HERC2: variants seen among roughly 807,000 people sequenced by gnomAD.
HERC2 encodes E3 ubiquitin-protein ligase HERC2.
In HERC2, 102 loss-of-function variants were observed where a neutral mutation model predicts 537.7. That is an observed-to-expected ratio of 0.19 (90% CI 0.16 to 0.22). The LOEUF (loss-of-function observed/expected upper bound fraction) is 0.22, where lower values mean the gene tolerates loss of function less well. Among genes scored for constraint, HERC2 ranks in the 10% least tolerant of loss-of-function variants. HERC2 has a pLI of 1.00. For synonymous variants in HERC2, 2,224 were observed against 2,466.2 expected, an observed-to-expected ratio of 0.90 and a Z score of 2.91; for missense variants, 4,236 against 6,198.2, an observed-to-expected ratio of 0.68 and a Z score of 10.63.
At chr15:28,273,513 C>A (rs2075794878) in intron 7 of HERC2, among the ~76,000 whole-genome samples, 1 of 152,162 alleles carries the variant, frequency 6.6e-6, no homozygotes, top group African/African-American at 2.4e-5. Context: ...CCTAAGACTG[C>A]AGAGAAAGGA....
intron 4 of HERC2, among the ~76,000 whole-genome samples, chr15:28,288,608 G>A (rs1385344005): frequency 6.6e-6 from 1 of 151,034 alleles, no homozygotes; most frequent in Non-Finnish European, 1.5e-5. Context: ...ACTTAAGGGT[G>A]GCTGAGGCAC....
intron 52 of HERC2, among the ~76,000 whole-genome samples, chr15:28,196,008 A>C (rs528081351): frequency 1.3e-5 from 2 of 152,220 alleles, no homozygotes; most frequent in Admixed American, 1.3e-4. Context: ...AGTTATTCTA[A>C]TTCTTCCCCG....
At chr15:28,184,688 C>T (rs1347108682) in intron 56 of HERC2, among the ~76,000 whole-genome samples, 6 of 151,510 alleles carry the variant, frequency 4.0e-5, no homozygotes, top group African/African-American at 1.2e-4. Context: ...GGTGAAAGCC[C>T]GTCTCTACTA....
At chr15:28,201,600 T>C (rs754656900) in intron 47 of HERC2, 46 bp from the exon 48 acceptor site, 5 of 1,162,410 alleles carry the variant, frequency 4.3e-6, no homozygotes, top group Admixed American at 1.7e-5. Flanking sequence ...GAGAACATGA[T>C]AAACCTACTC....
chr15:28,146,483 A>C, intron 70 of HERC2, 139 bp from the exon 71 acceptor site: 1 of 646,924 alleles, frequency 1.5e-6, no homozygotes. Flanking sequence ...CAAGCATCTC[A>C]GACTGACCAC....
chr15:28,232,207 G>T (rs75501824), intron 30 of HERC2, among the ~76,000 whole-genome samples: 10,588 of 152,260 alleles, frequency 0.07, 896 homozygotes, highest in East Asian at 0.42. Flanking sequence ...ATCAATACTG[G>T]TCAATAAGCA....
At chr15:28,296,523 T>C (rs1038211400) in intron 3 of HERC2, among the ~76,000 whole-genome samples, 5 of 152,006 alleles carry the variant, frequency 3.3e-5, no homozygotes, top group African/African-American at 1.2e-4. Flanking sequence ...GAATAAAACA[T>C]ATACTTTGGA....
rs779911686 is a variant in HERC2, at chr15:28,144,278, G to A, written c.11141-43C>T. ...AAACATCCCCGGGTTTCACAAGCTA[G>A]GTACCACCCCATAAGAAGCCGCCAA... On this transcript the variant is annotated intron_variant, in intron 72 of 92. Transcript: ENST00000261609. The A allele has an allele frequency of 1.9e-6, 3 of 1,598,888 alleles. No homozygotes were observed. In the African/African-American group the frequency reaches 4.0e-5, roughly 21 times the overall value.
intron 86 of HERC2, 91 bp from the exon 87 acceptor site, chr15:28,117,245 G>A (rs1036889359): frequency 6.9e-5 from 89 of 1,296,928 alleles, no homozygotes; most frequent in Non-Finnish European, 8.8e-5. Flanking sequence ...TGCACGAGGA[G>A]GAGGCACCGT....
chr15:28,115,829 T>C (rs1233967808), intron 88 of HERC2, among the ~76,000 whole-genome samples: 8 of 152,242 alleles, frequency 5.3e-5, no homozygotes, highest in African/African-American at 1.7e-4. Flanking sequence ...GAGCTGGAAC[T>C]TCCCCACGGG....
chr15:28,288,723 C>T (rs2141112506), intron 4 of HERC2, among the ~76,000 whole-genome samples: 1 of 151,604 alleles, frequency 6.6e-6, no homozygotes, highest in African/African-American at 2.4e-5. Context: ...TGGTGCCTGC[C>T]TGTAATCCCA....
intron 2 of HERC2, among the ~76,000 whole-genome samples, chr15:28,299,925 C>T (rs185187094): frequency 0.019 from 2,910 of 151,722 alleles, 91 homozygotes; most frequent in African/African-American, 0.066. Flanking sequence ...TGGTGGCGGG[C>T]GCCTGTAATC....
chr15:28,256,293 C>T lies in HERC2; in HGVS notation c.2542G>A (p.Val848Ile). The change falls in exon 18 of 93, where the codon GTT becomes ATT. Residue 848 changes from valine to isoleucine, a missense_variant. Coordinates refer to ENST00000261609, the MANE Select transcript of HERC2 (RefSeq NM_004667.6). ...LQLHAAISHQ[V>I]DPEFLGLGLG... ...CCTAAACCAAGGAATTCCGGGTCAA[C>T]CTGGTGACTAATGGCAGCATGCAAC... 1.3e-6 allele frequency: 2 copies of T among 1,595,838 alleles called. No individual in the cohort carries two copies. Among genetic ancestry groups the T allele is most frequent in the Non-Finnish European group, 1.7e-6 (2 of 1,179,148 alleles).
At chr15:28,270,508 G>A (rs1332782081) in intron 10 of HERC2, among the ~76,000 whole-genome samples, 187 bp downstream of exon 10, 10 of 152,014 alleles carry the variant, frequency 6.6e-5, no homozygotes, top group South Asian at 4.1e-4. Context: ...AGGCCTGTGC[G>A]CCTCAGCTTG....
At chr15:28,118,500 A>G (rs777839328) in intron 86 of HERC2, 1 of 152,234 alleles carries the variant, frequency 6.6e-6, no homozygotes, top group African/African-American at 2.4e-5. Context: ...TCTGTAATAA[A>G]TTTTTAAGTA....
chr15:28,217,993 G>A (rs1567029835), intron 38 of HERC2, among the ~76,000 whole-genome samples: 1 of 151,986 alleles, frequency 6.6e-6, no homozygotes, highest in Non-Finnish European at 1.5e-5. Context: ...CAGTGTTATG[G>A]GTTGAATTCA....
At chr15:28,304,153 G>A (rs1387253426) in intron 2 of HERC2, among the ~76,000 whole-genome samples, 2 of 106,470 alleles carry the variant, frequency 1.9e-5, no homozygotes, top group Non-Finnish European at 3.5e-5. Context: ...GCCACAGAGT[G>A]AGACTCCATC....
intron 2 of HERC2, among the ~76,000 whole-genome samples, chr15:28,314,691 C>A (rs1283197800): frequency 2.0e-5 from 3 of 151,254 alleles, no homozygotes; most frequent in Admixed American, 6.6e-5. Flanking sequence ...CCCGTCTCTA[C>A]TAAAAATACA....
chr15:28,146,523 C>T (rs540120090), intron 70 of HERC2, among the ~76,000 whole-genome samples, 179 bp from the exon 71 acceptor site: 192 of 152,212 alleles, frequency 1.3e-3, no homozygotes, highest in African/African-American at 4.5e-3. Flanking sequence ...CACTGAAGAT[C>T]ATGTCTGTGG....
Sources: gnomAD v4.1 joint callset for allele counts (sites outside exome capture counted in the v4.1 genomes callset) on GRCh38, gnomAD v4.1.1 for gene constraint, MANE v1.5 for transcripts, NCBI Gene and HGNC (gene_info 2026-07-23, HGNC 2026-07-21) for gene names.